The following MORC4 variants were observed in gnomAD, a reference collection of about 807,000 sequenced individuals.
MORC4 encodes MORC family CW-type zinc finger protein 4.
Under a neutral mutation model 65.5 loss-of-function variants are expected in MORC4, and 22 were observed. The observed-to-expected ratio is 0.34, with a 90% CI of 0.24 to 0.48. The LOEUF (loss-of-function observed/expected upper bound fraction) is 0.48, where lower values mean the gene tolerates loss of function less well. MORC4 is among the 20% of genes least tolerant of loss of function. The pLI is 0.99. For synonymous variants in MORC4, 267 were observed against 255.8 expected (o/e 1.04, Z -0.42); for missense variants, 624 against 703.0 (o/e 0.89, Z 1.27).
At chrX:106,948,535 C>T (rs750837698) in intron 14 of MORC4, among the ~76,000 whole-genome samples, 2 of 111,668 alleles carry the variant, frequency 1.8e-5, no homozygotes, top group Non-Finnish European at 3.8e-5. Context: ...GCACTCTTTG[C>T]TTTTTCATGT....
intron 9 of MORC4, among the ~76,000 whole-genome samples, chrX:106,962,439 C>T (rs1374995788): frequency 8.9e-6 from 1 of 112,098 alleles, no homozygotes; most frequent in Non-Finnish European, 1.9e-5. Context: ...GAGGACCAAA[C>T]TGCAGAGATA....
At chrX:106,956,756 T>C (rs746576737) in intron 12 of MORC4, among the ~76,000 whole-genome samples, 180 bp downstream of exon 12, 17 of 110,068 alleles carry the variant, frequency 1.5e-4, no homozygotes, top group East Asian at 8.5e-4. Flanking sequence ...CTAAAGACAA[T>C]CACTAGTTGA....
At chrX:106,945,414 TTGTGTGTGTGTGTG>T (rs35077497) in intron 14 of MORC4, among the ~76,000 whole-genome samples, 22 of 83,260 alleles carry the variant, frequency 2.6e-4, no homozygotes, top group Admixed American at 4.4e-4. Flanking sequence ...ACTTACTACT[TTGTGTGTGTGTGTG>T]TGTGTGTGTG....
chrX:106,957,887 CAT>C (rs1934148388), intron 11 of MORC4, among the ~76,000 whole-genome samples: 1 of 111,993 alleles, frequency 8.9e-6, no homozygotes, highest in Non-Finnish European at 1.9e-5. Context: ...TTCAAAGATA[CAT>C]ATGTGAAAAA....
chrX:106,969,870 G>C (rs375260958), intron 9 of MORC4, among the ~76,000 whole-genome samples: 1 of 111,554 alleles, frequency 9.0e-6, no homozygotes, highest in Non-Finnish European at 1.9e-5. Context: ...AGGACCAGAT[G>C]GATTCACAGC....
rs761480604 is a variant in MORC4 at position 106,942,892 on chromosome X, G to A, written c.1999C>T (p.Pro667Ser). Residue 667 changes from proline (P) to serine (S), a missense_variant, in exon 15 of 17, where the codon CCA becomes TCA. Coordinates refer to ENST00000355610, the MANE Select transcript of MORC4 (RefSeq NM_024657.5). The part of the protein sequence containing the change: ...LLPEELEDQM[P>S]RLVAEESNRG... ...TTAGATTCTTCTGCCACCAATCTTG[G>A]CATCTGATCTTCTAATTCTTCAGGA... 1.7e-6 allele frequency: 2 copies of A among 1,211,559 alleles called. No individual in the cohort carries two copies. The highest frequency in any genetic ancestry group is 3.0e-5 in the East Asian group (1 of 33,845).
rs1437082414 is a variant in MORC4 at position 106,962,102 on chromosome X, A to T, written c.1166T>A (p.Ile389Lys). ...ATTGAGCTTCTGGGCAAGGGCATTT[A>T]TTGTTAGCCTGAAAGAAAATGCAAG... ...FEYTKEYRLT[I>K]NALAQKLNAY... The change falls in exon 10 of 17, where the codon ATA (isoleucine) becomes AAA (lysine). Residue 389 changes from isoleucine to lysine, a missense_variant. Coordinates refer to ENST00000355610, the MANE Select transcript of MORC4 (RefSeq NM_024657.5). 8.4e-7 allele frequency: 1 copy of T among 1,196,016 alleles called. No individual in the cohort carries two copies. Among genetic ancestry groups the T allele is most frequent in the East Asian group, 3.0e-5 (1 of 33,750 alleles).
chrX:107,000,003 C>T lies in MORC4; in HGVS notation c.-34G>A, dbSNP rs1935153466. The T allele has an allele frequency of 2.9e-6, 2 of 701,237 alleles. No homozygotes were observed. Among genetic ancestry groups the T allele is most frequent in the East Asian group, 1.3e-4 (2 of 15,116 alleles). The allele number at this position is 701,237 out of a possible 1,213,427, so 57.8% of individuals were successfully genotyped here. A position where few individuals can be genotyped will look rare whatever the true frequency, so the allele number is the denominator to read the frequency against. On this transcript the variant is annotated 5_prime_UTR_variant, in exon 1 of 17. Coordinates refer to ENST00000355610, the MANE Select transcript of MORC4 (RefSeq NM_024657.5). ...CCGCCACGGTACCCGTCTGCTGCCG[C>T]CGGACCCCTGGCCCGGCGGTCCGGG...
chrX:106,984,472 T>C (rs867618748), intron 5 of MORC4, among the ~76,000 whole-genome samples: 2 of 57,672 alleles, frequency 3.5e-5, no homozygotes, highest in Non-Finnish European at 4.0e-5. Context: ...TTTCTTTTTT[T>C]TTTTTTTTTT....
rs756647130 is a variant in MORC4, at chrX:106,955,082, T to C, written c.1516A>G (p.Ser506Gly). ...ACAGTAAGGATCTTTGGTGGATTAC[T>C]GAATACCTATAAAAGACAGAAATGA... is the stretch of plus-strand genomic sequence containing the variant. ...PMENENHQVF[S>G]NPPKILTVQE... The change falls in exon 14 of 17, where the codon AGT (serine) becomes GGT (glycine). Residue 506 changes from serine (S) to glycine (G), a missense_variant. Physicochemically the swap from Ser to Gly is moderately conservative, Grantham distance 56. Transcript: ENST00000355610. The C allele has an allele frequency of 3.4e-6, 4 of 1,184,199 alleles. No individual in the cohort carries two copies. The African/African-American group carries it at 7.1e-5, about 21-fold the overall frequency.
chrX:106,950,687 G>A (rs913747117), intron 14 of MORC4, among the ~76,000 whole-genome samples: 6 of 111,781 alleles, frequency 5.4e-5, no homozygotes, highest in Middle Eastern at 4.6e-3. Flanking sequence ...CCCAGTCTTC[G>A]TGGATCTGCC....
intron 14 of MORC4, among the ~76,000 whole-genome samples, chrX:106,944,654 C>A (rs910224740): frequency 1.8e-5 from 2 of 111,490 alleles, no homozygotes; most frequent in South Asian, 3.8e-4. Context: ...TTTCCAACTG[C>A]CTGTCACACA....
At chrX:106,952,402 T>C (rs1052261082) in intron 14 of MORC4, among the ~76,000 whole-genome samples, 4 of 112,516 alleles carry the variant, frequency 3.6e-5, no homozygotes, top group Admixed American at 1.9e-4. Flanking sequence ...TATCTAAATA[T>C]ACAAAAGGTA....
chrX:106,986,894 G>T (rs937443048), intron 3 of MORC4, among the ~76,000 whole-genome samples: 1 of 111,760 alleles, frequency 8.9e-6, no homozygotes, highest in East Asian at 2.8e-4. Flanking sequence ...TCACTTAGGC[G>T]CCTCAACAAT....
intron 1 of MORC4, 37 bp downstream of exon 1, chrX:106,999,831 C>CCGCG (rs1306003472): frequency 6.6e-5 from 57 of 867,138 alleles, no homozygotes; most frequent in Non-Finnish European, 7.5e-5. Context: ...GCCCAGGGGC[C>CCGCG]CGCGCGCGCG....
rs1309249529 is a variant in MORC4 at position 106,966,839 on chromosome X, GCCTA to G, written c.1158-4733_1158-4730del. 2.7e-5 allele frequency among the ~76,000 whole-genome samples: 3 copies of G among 112,817 alleles called. No individual in the cohort carries two copies. The Admixed American group carries it at 2.8e-4, about 10-fold the overall frequency. On this transcript the variant is annotated intron_variant, in intron 9 of 16. Transcript: ENST00000355610. ...GCGGAGCTCACCACAGCTCAGCAAG[GCCTA>G]CTGCCTCTCTAGATTCCACCTCTGG...
chrX:106,966,921 G>A (rs1934388318), intron 9 of MORC4, among the ~76,000 whole-genome samples: 1 of 112,470 alleles, frequency 8.9e-6, no homozygotes, highest in African/African-American at 3.2e-5. Flanking sequence ...AGACAGAAAT[G>A]TCCCTGCCTG....
rs1197678896 is a variant in MORC4 at position 106,942,501 on chromosome X, G to A, written c.2376+14C>T. On this transcript the variant is annotated intron_variant, in intron 15 of 16. Coordinates refer to ENST00000355610, the MANE Select transcript of MORC4 (RefSeq NM_024657.5). ...TATGGTCTCTTATTCCTAGTGGTGA[G>A]GTATTACCCTAACCTTTTGCTGGAA... 1 of 1,190,565 alleles carries A rather than the reference G, an allele frequency of 8.4e-7. No homozygotes were observed. Among genetic ancestry groups the A allele is most frequent in the Admixed American group, 2.2e-5 (1 of 45,102 alleles).
intron 10 of MORC4, among the ~76,000 whole-genome samples, chrX:106,960,029 A>G (rs1206334950): frequency 8.9e-6 from 1 of 112,152 alleles, no homozygotes; most frequent in East Asian, 2.8e-4. Context: ...ACAGCTTCCT[A>G]TTCCCTAGCT....
Sources: gnomAD v4.1 joint callset for allele counts (sites outside exome capture counted in the v4.1 genomes callset) on GRCh38, gnomAD v4.1.1 for gene constraint, MANE v1.5 for transcripts, NCBI Gene and HGNC (gene_info 2026-07-23, HGNC 2026-07-21) for gene names.